Variants in HEATR3 observed in about 807,000 individuals in gnomAD.
HEATR3 encodes HEAT repeat containing 3, also known as HEAT repeat-containing protein 3.
In HEATR3, 56 loss-of-function variants were observed where a neutral mutation model predicts 72.8. That is an observed-to-expected ratio of 0.77 (90% CI 0.62 to 0.96). The LOEUF is 0.96. Ranked by LOEUF, HEATR3 falls within the 40% of genes least tolerant of loss-of-function variation. The probability of loss-of-function intolerance (pLI) is 0.00; values close to 1 mark genes in which losing one functional copy is unlikely to be tolerated. For missense variants in HEATR3, 747 were observed against 831.4 expected, an observed-to-expected ratio of 0.90 and a Z score of 1.25; for synonymous variants, 331 against 318.1, an observed-to-expected ratio of 1.04 and a Z score of -0.43.
Position 50,066,353 on chromosome 16 carries a change from G to C in HEATR3, c.139-14G>C. On this transcript the variant is annotated splice_polypyrimidine_tract_variant and intron_variant, in intron 1 of 14. Transcript: ENST00000299192. ...CATTGCGCGCCTTCTGACCCTTTTC[G>C]CTCTCATCCGCAGCTCCAGCACCCG... 6.4e-7 allele frequency: 1 copy of C among 1,554,582 alleles called. No individual in the cohort carries two copies. The highest frequency in any genetic ancestry group is 8.6e-7 in the Non-Finnish European group (1 of 1,160,744).
chr16:50,087,592 T>C (rs1182449784), intron 11 of HEATR3, among the ~76,000 whole-genome samples: 1 of 152,148 alleles, frequency 6.6e-6, no homozygotes. Context: ...GAAGGAAAAC[T>C]CTCCACATTA....
At chr16:50,096,515 C>G (rs535091896) in intron 12 of HEATR3, among the ~76,000 whole-genome samples, 1 of 151,642 alleles carries the variant, frequency 6.6e-6, no homozygotes, top group Admixed American at 6.6e-5. Context: ...GTATACAGTT[C>G]AGGCCAGCTG....
At chr16:50,086,392 G>T (rs1267825167) in intron 11 of HEATR3, 41 bp downstream of exon 11, 1 of 1,572,236 alleles carries the variant, frequency 6.4e-7, no homozygotes. Context: ...AGACGGAACA[G>T]AATTTTGAAG....
chr16:50,104,942 C>A lies in HEATR3; in HGVS notation c.1924C>A (p.Arg642Ser), dbSNP rs141326733. The A allele has an allele frequency of 1.2e-3, 1,868 of 1,576,132 alleles. 9 individuals are homozygous for A. Among genetic ancestry groups the A allele is most frequent in the Middle Eastern group, 9.2e-3 (55 of 5,958 alleles). Residue 642 changes from arginine to serine, a missense_variant, in exon 15 of 15, where the codon CGT (arginine) becomes AGT (serine). This residue lies in a region of HEATR3 where 586 missense variants were observed against 708.8 expected (regional missense o/e 0.83). Coordinates refer to ENST00000299192, the MANE Select transcript of HEATR3 (RefSeq NM_182922.4). The stretch of plus-strand genomic sequence containing the variant: ...ATTTTTTGTTTTTTGTTTGCAGATA[C>A]GTAAAGAAGGGAGAGGTAACTATAG... ...EFQPVFKMKI[R>S]KEGRGNYSTD...
intron 12 of HEATR3, 144 bp from the exon 13 acceptor site, chr16:50,100,086 T>G: frequency 1.6e-6 from 1 of 610,310 alleles, no homozygotes; most frequent in Admixed American, 4.9e-5. Flanking sequence ...GAATACATAT[T>G]AATAGTAACT....
Position 50,100,345 on chromosome 16 carries a change from A to G in HEATR3, c.1715A>G (p.Lys572Arg). 2 of 1,614,092 alleles carry G rather than the reference A, an allele frequency of 1.2e-6. No individual in the cohort carries two copies. The highest frequency in any genetic ancestry group is 2.2e-5 in the South Asian group (2 of 91,078). The change falls in exon 13 of 15, where the codon AAA becomes AGA. Residue 572 changes from lysine (K) to arginine (R), a missense_variant. Physicochemically the swap from Lys to Arg is conservative, Grantham distance 26 (BLOSUM62 2). Around this residue, in one of 2 missense-constraint regions of HEATR3, gnomAD observed 586 missense variants for 708.8 expected, o/e 0.83. Coordinates refer to ENST00000299192, the MANE Select transcript of HEATR3 (RefSeq NM_182922.4). ...GGAATCACTGGCAGCGTCCTTGCCA[A>G]AGAAGATGGTACACTTGAAACTCTT... ...ILGITGSVLA[K>R]EDGTLETLKN...
chr16:50,069,053 T>A (rs1202411237), intron 3 of HEATR3, among the ~76,000 whole-genome samples, 186 bp downstream of exon 3: 1 of 152,260 alleles, frequency 6.6e-6, no homozygotes, highest in Non-Finnish European at 1.5e-5. Flanking sequence ...AGCTTTATTT[T>A]TATGATAGTT....
intron 7 of HEATR3, among the ~76,000 whole-genome samples, chr16:50,079,235 C>A (rs1185070016): frequency 6.6e-6 from 1 of 152,106 alleles, no homozygotes; most frequent in Non-Finnish European, 1.5e-5. Context: ...GTTTTATATG[C>A]AGGAGAAGGT....
chr16:50,092,929 G>T (rs189476098), intron 11 of HEATR3, among the ~76,000 whole-genome samples: 1 of 152,168 alleles, frequency 6.6e-6, no homozygotes, highest in African/African-American at 2.4e-5. Context: ...GATATGAGGC[G>T]TTACACTAGG....
At chr16:50,070,842 G>C (rs2036595225) in intron 4 of HEATR3, among the ~76,000 whole-genome samples, 1 of 152,172 alleles carries the variant, frequency 6.6e-6, no homozygotes, top group Admixed American at 6.5e-5. Context: ...CAAAAGATAG[G>C]AGGAATCATG....
chr16:50,075,645 C>T lies in HEATR3; in HGVS notation c.697C>T (p.Leu233=), dbSNP rs745571759. The change falls in exon 6 of 15, where the codon CTG becomes TTG. Residue 233 remains leucine (L), a synonymous_variant. Coordinates refer to ENST00000299192, the MANE Select transcript of HEATR3 (RefSeq NM_182922.4). ...TTTCAGTGCTACAGCATTGAACATG[C>T]TGGAATCAGCACTGCTTTCTCCTGT... ...KSFSATALNM[L]ESALLSPVSS... is the part of the protein sequence containing the mutation. The T allele has an allele frequency of 1.9e-6, 3 of 1,613,636 alleles. No individual in the cohort carries two copies. The highest frequency in any genetic ancestry group is 1.7e-5 in the Admixed American group (1 of 60,024).
Position 50,098,877 on chromosome 16 carries a change from C to T in HEATR3, c.1600-1353C>T, listed in dbSNP as rs570896186. Among the ~76,000 whole-genome samples, 248 of 152,062 alleles carry T rather than the reference C, an allele frequency of 1.6e-3. 2 individuals are homozygous for T. Among genetic ancestry groups the T allele is most frequent in the African/African-American group, 5.6e-3 (234 of 41,514 alleles). On this transcript the variant is annotated intron_variant, in intron 12 of 14. Transcript: ENST00000299192. ...TAAAACTATTATTTGCTTTATCCTA[C>T]GGAATGTACTTAATAGTATCAAAAT...
chr16:50,107,078 A>G lies in HEATR3; in HGVS notation c.*2017A>G, dbSNP rs765080084. 1.3e-5 allele frequency among the ~76,000 whole-genome samples: 2 copies of G among 152,214 alleles called. No homozygotes were observed. Among genetic ancestry groups the G allele is most frequent in the Non-Finnish European group, 2.9e-5 (2 of 68,042 alleles). On this transcript the variant is annotated 3_prime_UTR_variant, in exon 15 of 15. Transcript: ENST00000299192. The stretch of plus-strand genomic sequence containing the variant: ...GAACGACTCTTCCAAAAAAGAAAGT[A>G]TTAGAGTTCTCTCTGCCTCAATTAT...
chr16:50,071,070 A>G (rs1024835999), intron 4 of HEATR3, among the ~76,000 whole-genome samples: 2 of 152,186 alleles, frequency 1.3e-5, no homozygotes, highest in Non-Finnish European at 2.9e-5. Context: ...CCTTGGCCCC[A>G]GGAGGAAGAA....
At chr16:50,086,665 C>G (rs1173954260) in intron 11 of HEATR3, among the ~76,000 whole-genome samples, 3 of 152,184 alleles carry the variant, frequency 2.0e-5, no homozygotes, top group Non-Finnish European at 4.4e-5. Flanking sequence ...CACGGTGGCT[C>G]ATGCCTGTAG....
chr16:50,078,883 G>A lies in HEATR3; in HGVS notation c.906G>A (p.Arg302=). 1.2e-6 allele frequency: 2 copies of A among 1,614,048 alleles called. No homozygotes were observed. The highest frequency in any genetic ancestry group is 1.7e-6 in the Non-Finnish European group (2 of 1,180,024). ...AAATGAAAGAGGCTGAAACGCAAAG[G>A]TTAAAAACTGCTGCAGAGGCTGAGG... ...VIQMKEAETQ[R]LKTAAEAEEI... The change falls in exon 7 of 15, where the codon AGG becomes AGA. Residue 302 remains arginine (R), a synonymous_variant. Coordinates refer to ENST00000299192, the MANE Select transcript of HEATR3 (RefSeq NM_182922.4).
At chr16:50,066,297 AG>A in intron 1 of HEATR3, 28 bp downstream of exon 1, 1 of 1,575,930 alleles carries the variant, frequency 6.3e-7, no homozygotes, top group Non-Finnish European at 8.6e-7. Context: ...TCGGGCCGGG[AG>A]GCGAGACGAG....
chr16:50,102,200 G>A (rs947620718), intron 13 of HEATR3, 59 bp from the exon 14 acceptor site: 4 of 1,430,140 alleles, frequency 2.8e-6, no homozygotes, highest in Non-Finnish European at 3.9e-6. Context: ...CACATTCAAA[G>A]TTGGTACTTG....
chr16:50,093,569 C>A (rs1277527370), intron 11 of HEATR3, among the ~76,000 whole-genome samples: 1 of 152,156 alleles, frequency 6.6e-6, no homozygotes, highest in Non-Finnish European at 1.5e-5. Context: ...CCAGGAGACC[C>A]CTGCGCACAC....
Sources: gnomAD v4.1 joint callset for allele counts (sites outside exome capture counted in the v4.1 genomes callset) on GRCh38, gnomAD v4.1.1 for gene constraint, gnomAD v4.1.1 regional missense constraint, MANE v1.5 for transcripts, NCBI Gene and HGNC (gene_info 2026-07-23, HGNC 2026-07-21) for gene names.